SUGP1: variants seen among roughly 807,000 people sequenced by gnomAD.
The protein encoded by SUGP1 is SURP and G-patch domain-containing protein 1.
In SUGP1, 34 loss-of-function variants were observed where a neutral mutation model predicts 76.5. That is an observed-to-expected ratio of 0.44 (90% CI 0.34 to 0.59). The LOEUF (loss-of-function observed/expected upper bound fraction) is 0.59, where lower values mean the gene tolerates loss of function less well. Ranked by LOEUF, SUGP1 falls within the 20% of genes least tolerant of loss-of-function variation. The pLI, the probability that SUGP1 is intolerant of heterozygous loss-of-function variation, is 0.01. For synonymous variants in SUGP1, 326 were observed against 326.2 expected, an observed-to-expected ratio of 1.00 and a Z score of 0.01; for missense variants, 752 against 851.7, an observed-to-expected ratio of 0.88 and a Z score of 1.46.
chr19:19,289,697 G>A (rs762847885), intron 8 of SUGP1, among the ~76,000 whole-genome samples: 4 of 152,088 alleles, frequency 2.6e-5, no homozygotes, highest in East Asian at 1.9e-4. Flanking sequence ...GCAATGAGCC[G>A]AGATAGTGCC....
chr19:19,289,749 AAAAAAAC>A lies in SUGP1; in HGVS notation c.1243+7233_1243+7239del, dbSNP rs1234726266. Among the ~76,000 whole-genome samples, 13 of 152,258 alleles carry A rather than the reference AAAAAAAC, an allele frequency of 8.5e-5. 1 individual carries two copies. Among genetic ancestry groups the A allele is most frequent in the Admixed American group, 2.0e-4 (3 of 15,282 alleles). ...GGCGACAGAGGGAGACTCTGCCTCA[AAAAAAAC>A]AAAAAACAAAAAACAATAACAAAAA... On this transcript the variant is annotated intron_variant, in intron 8 of 13. Transcript: ENST00000247001.
rs951792533 is a variant in SUGP1 at position 19,296,931 on chromosome 19, T to G, written c.1243+58A>C. 1.1e-5 allele frequency: 15 copies of G among 1,378,302 alleles called. No individual in the cohort carries two copies. The South Asian group carries it at 2.1e-4, about 19-fold the overall frequency. 85.4% of individuals were successfully genotyped at this position (1,378,302 alleles called of 1,614,324 possible). On this transcript the variant is annotated intron_variant, in intron 8 of 13. Coordinates refer to ENST00000247001, the MANE Select transcript of SUGP1 (RefSeq NM_172231.4). ...CTGTGGATGAACCTTGAAGACATTA[T>G]GCTCAGTGAAAGAAGTCAGACCCTT...
At chr19:19,293,508 C>T (rs1351767189) in intron 8 of SUGP1, among the ~76,000 whole-genome samples, 5 of 151,696 alleles carry the variant, frequency 3.3e-5, no homozygotes, top group Admixed American at 6.6e-5. Flanking sequence ...TGCTTGAACC[C>T]GGGAGGCAGA....
chr19:19,316,330 C>T, intron 2 of SUGP1, 92 bp downstream of exon 2: 1 of 1,490,590 alleles, frequency 6.7e-7, no homozygotes, highest in Non-Finnish European at 9.1e-7. Context: ...TGGGTGCAAG[C>T]ACATGCTGAC....
intron 3 of SUGP1, among the ~76,000 whole-genome samples, chr19:19,306,731 G>A (rs893491653): frequency 7.2e-5 from 11 of 152,248 alleles, no homozygotes; most frequent in African/African-American, 2.7e-4. Flanking sequence ...CCAACCTACA[G>A]ACAGGGGTCC....
chr19:19,296,884 T>G, intron 8 of SUGP1, 105 bp downstream of exon 8: 7 of 1,038,282 alleles, frequency 6.7e-6, no homozygotes, highest in Non-Finnish European at 9.4e-6. Context: ...ACAGAAGGAA[T>G]GAAATTCTGA....
rs750001335 is a variant in SUGP1 at position 19,279,238 on chromosome 19, C to A, written c.1503G>T (p.Arg501=). The change falls in exon 10 of 14, where the codon CGG becomes CGT. Residue 501 remains arginine, a synonymous_variant. Transcript: ENST00000247001. The part of the protein sequence containing the change: ...SELGTWEHQL[R]RMEMDKTREW... Reference sequence around the variant, plus strand: ...CCCTGGTCTTATCCATCTCCATGCGCCGCAGCTGGTGCTCCCAGGTGCCCA... The same window carrying A: ...CCCTGGTCTTATCCATCTCCATGCGACGCAGCTGGTGCTCCCAGGTGCCCA... 9.9e-6 allele frequency: 16 copies of A among 1,609,506 alleles called. No individual in the cohort carries two copies. The highest frequency in any genetic ancestry group is 1.4e-5 in the Non-Finnish European group (16 of 1,179,558).
rs776436908 is a variant in SUGP1, at chr19:19,278,675, C to T, written c.1635+15G>A. 12 of 1,600,950 alleles carry T rather than the reference C, an allele frequency of 7.5e-6. No homozygotes were observed. Among genetic ancestry groups the T allele is most frequent in the Non-Finnish European group, 9.4e-6 (11 of 1,173,388 alleles). On this transcript the variant is annotated intron_variant, in intron 11 of 13. Coordinates refer to ENST00000247001, the MANE Select transcript of SUGP1 (RefSeq NM_172231.4). ...CATGTGGCAGAGGCTGGAGCTAGGG[C>T]CCCTCCTGGCTCACCTTCAGGGCCT...
chr19:19,314,132 G>T (rs2061373928), intron 2 of SUGP1, among the ~76,000 whole-genome samples: 1 of 147,366 alleles, frequency 6.8e-6, no homozygotes, highest in African/African-American at 2.6e-5. Context: ...GTGAGACTCT[G>T]TCTCAAAAAA....
chr19:19,296,885 G>C (rs377674238), intron 8 of SUGP1, 104 bp downstream of exon 8: 2 of 1,049,346 alleles, frequency 1.9e-6, no homozygotes, highest in Admixed American at 5.8e-5. Context: ...CAGAAGGAAT[G>C]AAATTCTGAT....
At chr19:19,296,932 G>C in intron 8 of SUGP1, 57 bp downstream of exon 8, 1 of 1,377,710 alleles carries the variant, frequency 7.3e-7, no homozygotes, top group Non-Finnish European at 9.8e-7. Context: ...AAGACATTAT[G>C]CTCAGTGAAA....
intron 7 of SUGP1, among the ~76,000 whole-genome samples, chr19:19,299,200 C>T (rs1227925819): frequency 6.6e-6 from 1 of 152,208 alleles, no homozygotes; most frequent in Non-Finnish European, 1.5e-5. Flanking sequence ...ATAAGCCTTT[C>T]CTATTAGAAC....
intron 7 of SUGP1, among the ~76,000 whole-genome samples, chr19:19,300,930 C>G (rs1400067497): frequency 1.3e-5 from 2 of 152,304 alleles, no homozygotes; most frequent in East Asian, 1.9e-4. Context: ...ACCCCTCTGA[C>G]CAAGCAGAGC....
intron 8 of SUGP1, among the ~76,000 whole-genome samples, chr19:19,296,637 A>G (rs2061227862): frequency 6.6e-6 from 1 of 150,880 alleles, no homozygotes; most frequent in Admixed American, 6.7e-5. Context: ...ACAGAGCGAG[A>G]CTCTGTCTCA....
chr19:19,297,400 A>ATTCTGGGCAGGAGCATTTCTGGCC, intron 7 of SUGP1, 56 bp from the exon 8 acceptor site: 4 of 1,349,532 alleles, frequency 3.0e-6, no homozygotes, highest in Non-Finnish European at 4.0e-6. Flanking sequence ...CCTGTCCCTG[A>ATTCTGGGCAGGAGCATTTCTGGCC]TTCTGGGCAG....
At chr19:19,296,672 GA>G (rs1342747559) in intron 8 of SUGP1, among the ~76,000 whole-genome samples, 13 of 150,634 alleles carry the variant, frequency 8.6e-5, no homozygotes, top group African/African-American at 3.2e-4. Context: ...AAAGAAAAAA[GA>G]AAAAAAAGGC....
chr19:19,310,797 C>T (rs998864734), intron 2 of SUGP1, among the ~76,000 whole-genome samples: 1 of 152,194 alleles, frequency 6.6e-6, no homozygotes, highest in African/African-American at 2.4e-5. Flanking sequence ...GCATGTGCCA[C>T]CACACCTGGC....
chr19:19,279,199 G>T lies in SUGP1; in HGVS notation c.1528+14C>A. 1.2e-6 allele frequency: 1 copy of T among 867,338 alleles called. No homozygotes were observed. 53.7% of individuals were successfully genotyped at this position (867,338 alleles called of 1,614,324 possible). ...TGCCCAGCCCAGCCCGGCCCACCCC[G>T]CTGCCCCACATACCCCTGGTCTTAT... On this transcript the variant is annotated intron_variant, in intron 10 of 13. Coordinates refer to ENST00000247001, the MANE Select transcript of SUGP1 (RefSeq NM_172231.4).
chr19:19,302,086 G>A (rs2061276134), intron 7 of SUGP1, 179 bp downstream of exon 7: 1 of 938,820 alleles, frequency 1.1e-6, no homozygotes, highest in Non-Finnish European at 1.6e-6. Context: ...GTGCTGGTGT[G>A]TGCGTGGGAC....
Sources: gnomAD v4.1 joint callset for allele counts (sites outside exome capture counted in the v4.1 genomes callset) on GRCh38, gnomAD v4.1.1 for gene constraint, MANE v1.5 for transcripts, NCBI Gene and HGNC (gene_info 2026-07-23, HGNC 2026-07-21) for gene names.